The following FAM13C variants were observed in gnomAD, a reference collection of about 807,000 sequenced individuals.
FAM13C encodes the protein protein FAM13C.
FAM13C carries 37 observed loss-of-function variants against 73.2 expected under a neutral mutation model. That is an observed-to-expected ratio of 0.51 (90% CI 0.39 to 0.67). FAM13C has a LOEUF of 0.67. FAM13C is among the 30% of genes least tolerant of loss of function. FAM13C has a pLI of 0.00. For missense variants in FAM13C, 589 were observed against 715.6 expected (o/e 0.82, Z 2.02); for synonymous variants, 246 against 260.9 (o/e 0.94, Z 0.55).
intron 6 of FAM13C, among the ~76,000 whole-genome samples, chr10:59,278,960 G>T (rs1252061120): frequency 2.6e-5 from 4 of 152,164 alleles, no homozygotes; most frequent in Admixed American, 6.5e-5. Flanking sequence ...ATCTGGGGTT[G>T]CCCCCACATA....
intron 3 of FAM13C, among the ~76,000 whole-genome samples, chr10:59,344,454 T>TTTTA (rs1554840581): frequency 3.2e-4 from 48 of 149,954 alleles, no homozygotes; most frequent in African/African-American, 1.1e-3. Context: ...GATTTTTTTT[T>TTTTA]TTTATTTTTA....
rs1322309841 is a variant in FAM13C at position 59,254,434 on chromosome 10, GC to G, written c.1245del (p.Lys415AsnfsTer7). 1 of 1,493,022 alleles carries G rather than the reference GC, an allele frequency of 6.7e-7. No individual in the cohort carries two copies. The highest frequency in any genetic ancestry group is 9.0e-7 in the Non-Finnish European group (1 of 1,116,792). The allele number at this position is 1,493,022 out of a possible 1,614,324, so 92.5% of individuals were successfully genotyped here. A position where few individuals can be genotyped will look rare whatever the true frequency, so the allele number is the denominator to read the frequency against. On this transcript the variant is annotated frameshift_variant, in exon 11 of 14. Coordinates refer to ENST00000618804, the MANE Select transcript of FAM13C (RefSeq NM_198215.4). LOFTEE classifies it high-confidence loss of function. The stretch of plus-strand genomic sequence containing the variant: ...AGCGGCTTTATGAGGTTCTTGTCTT[GC>G]TTAGTTACCTGAAAAACATGAAATT... ...LPPQEDSKVT[K>X]QDKNLIKPLY... is the part of the protein sequence containing the mutation.
intron 8 of FAM13C, 28 bp downstream of exon 8, chr10:59,268,525 C>T (rs1010792027): frequency 1.9e-6 from 3 of 1,612,274 alleles, no homozygotes. Context: ...GACCAATCCG[C>T]TCCTATGTCA....
In FAM13C at chr10:59,307,468, T is replaced by C. The variant is rs141592273; in HGVS notation, c.444-4604A>G. ...CAGGCAGTTTACTTACATTATTTTA[T>C]TTAATCATCAAGGTCATCATATGAG... is the stretch of plus-strand genomic sequence containing the variant. On this transcript the variant is annotated intron_variant, in intron 4 of 13. Coordinates refer to ENST00000618804, the MANE Select transcript of FAM13C (RefSeq NM_198215.4). 7.5e-3 allele frequency among the ~76,000 whole-genome samples: 1,140 copies of C among 152,338 alleles called. 12 individuals carry two copies. Among genetic ancestry groups the C allele is most frequent in the African/African-American group, 0.026 (1,095 of 41,576 alleles).
intron 1 of FAM13C, among the ~76,000 whole-genome samples, chr10:59,357,521 G>A (rs1034596941): frequency 6.6e-6 from 1 of 152,174 alleles, no homozygotes; most frequent in Non-Finnish European, 1.5e-5. Flanking sequence ...AATTTAACCA[G>A]CATTTATTGA....
At chr10:59,273,692 C>T (rs1843982055) in intron 6 of FAM13C, among the ~76,000 whole-genome samples, 1 of 152,058 alleles carries the variant, frequency 6.6e-6, no homozygotes. Flanking sequence ...ATAGAGGATG[C>T]CACATCTCTG....
chr10:59,350,440 G>C (rs1275109406), intron 3 of FAM13C, among the ~76,000 whole-genome samples: 1 of 152,190 alleles, frequency 6.6e-6, no homozygotes, highest in African/African-American at 2.4e-5. Context: ...GAGATTCAAG[G>C]TCAGCACATC....
In FAM13C at chr10:59,283,421, G is replaced by T. The variant is rs371081080; in HGVS notation, c.534C>A (p.Val178=). The part of the protein sequence containing the change: ...NEEEAAQVHG[V]KDPAPASTQS... Reference sequence around the variant, plus strand: ...GGGTTGATGCTGGCGCCGGGTCCTTGACTCCATGCACCTGAGCAGCTTCTT... The same window carrying T: ...GGGTTGATGCTGGCGCCGGGTCCTTTACTCCATGCACCTGAGCAGCTTCTT... The change falls in exon 6 of 14, where the codon GTC becomes GTA. Residue 178 remains valine (V), a synonymous_variant. Coordinates refer to ENST00000618804, the MANE Select transcript of FAM13C (RefSeq NM_198215.4). The T allele has an allele frequency of 6.2e-7, 1 of 1,614,208 alleles. No homozygotes were observed.
chr10:59,251,356 T>C (rs1841355654), intron 13 of FAM13C: 1 of 487,668 alleles, frequency 2.1e-6, no homozygotes, highest in Non-Finnish European at 3.6e-6. Context: ...CTTTATTTTT[T>C]ACAGATTGAT....
upstream of FAM13C, chr10:59,362,728 G>T: frequency 1.6e-6 from 1 of 622,172 alleles, no homozygotes; most frequent in Non-Finnish European, 2.6e-6. Flanking sequence ...CCAGCGAGGA[G>T]CACCTGGAGA....
intron 10 of FAM13C, among the ~76,000 whole-genome samples, chr10:59,260,669 T>C (rs1842413632): frequency 6.6e-6 from 1 of 152,194 alleles, no homozygotes; most frequent in African/African-American, 2.4e-5. Context: ...TGTTTATTTC[T>C]TGTTGTATCC....
At chr10:59,262,691 G>A (rs774534265) in intron 9 of FAM13C, 46 bp from the exon 10 acceptor site, 3 of 1,509,704 alleles carry the variant, frequency 2.0e-6, no homozygotes, top group Non-Finnish European at 2.7e-6. Flanking sequence ...GAACCCACTA[G>A]TTCTAAGAAT....
rs368393994 is a variant in FAM13C at position 59,347,097 on chromosome 10, T to C, written c.324+5173A>G. On this transcript the variant is annotated intron_variant, in intron 3 of 13. Coordinates refer to ENST00000618804, the MANE Select transcript of FAM13C (RefSeq NM_198215.4). ...GCCTATTGTCTAAGGAAAAAAGAGA[T>C]AAACAAGCAGAAAGGAAAACTGATT... Among the ~76,000 whole-genome samples, 11 of 152,128 alleles carry C rather than the reference T, an allele frequency of 7.2e-5. No homozygotes were observed. The South Asian group carries it at 1.0e-3, about 14-fold the overall frequency.
rs561416573 is a variant in FAM13C, at chr10:59,297,900, CA to C, written c.507+4900del. ...TGTCTCTATGGTTTTACTCTGGGGA[CA>C]AAAAAAAAAGTCAGTATATCCACCT... On this transcript the variant is annotated intron_variant, in intron 5 of 13. Coordinates refer to ENST00000618804, the MANE Select transcript of FAM13C (RefSeq NM_198215.4). 3.9e-3 allele frequency among the ~76,000 whole-genome samples: 583 copies of C among 148,910 alleles called. 2 individuals are homozygous for C. Among genetic ancestry groups the C allele is most frequent in the Admixed American group, 0.017 (253 of 14,990 alleles).
At chr10:59,288,814 C>T (rs1053353496) in intron 5 of FAM13C, among the ~76,000 whole-genome samples, 1 of 152,174 alleles carries the variant, frequency 6.6e-6, no homozygotes, top group Non-Finnish European at 1.5e-5. Context: ...AATATTCCTT[C>T]CCACCCCTCA....
intron 1 of FAM13C, among the ~76,000 whole-genome samples, chr10:59,359,874 A>G (rs548439391): frequency 6.6e-6 from 1 of 152,360 alleles, no homozygotes; most frequent in South Asian, 2.1e-4. Flanking sequence ...TTTGAATGAT[A>G]ACTAATCAGA....
intron 11 of FAM13C, among the ~76,000 whole-genome samples, chr10:59,253,315 C>A (rs1334502962): frequency 1.3e-5 from 2 of 152,210 alleles, no homozygotes; most frequent in Non-Finnish European, 2.9e-5. Context: ...CAAGTGGTTC[C>A]TCCCTTTCAC....
At chr10:59,356,094 T>A in intron 1 of FAM13C, 151 bp from the exon 2 acceptor site, 2 of 734,998 alleles carry the variant, frequency 2.7e-6, no homozygotes, top group East Asian at 2.6e-5. Context: ...GATTCCTATG[T>A]CTCCCAGTTT....
chr10:59,275,070 T>C (rs760826550), intron 6 of FAM13C, among the ~76,000 whole-genome samples: 1 of 152,200 alleles, frequency 6.6e-6, no homozygotes, highest in African/African-American at 2.4e-5. Context: ...GCTATTAAGA[T>C]GACAAAAGCT....
Sources: gnomAD v4.1 joint callset for allele counts (sites outside exome capture counted in the v4.1 genomes callset) on GRCh38, gnomAD v4.1.1 for gene constraint, MANE v1.5 for transcripts, NCBI Gene and HGNC (gene_info 2026-07-23, HGNC 2026-07-21) for gene names.